Variants in ANK1 observed in about 807,000 individuals in gnomAD.
ANK1 encodes ankyrin-1.
A neutral mutation model predicts 210.4 loss-of-function variants in ANK1; 51 were observed. The ratio of observed to expected loss-of-function variants is 0.24; its 90% confidence interval spans 0.19 to 0.31. ANK1 has a LOEUF of 0.31. Ranked by LOEUF, ANK1 falls within the 10% of genes least tolerant of loss-of-function variation. ANK1 has a pLI of 1.00. For missense variants in ANK1, 2,051 were observed against 2,504.4 expected, an observed-to-expected ratio of 0.82 and a Z score of 3.86; for synonymous variants, 967 against 1,025.9, an observed-to-expected ratio of 0.94 and a Z score of 1.10.
chr8:41,683,811 A>C (rs576834411), intron 37 of ANK1, among the ~76,000 whole-genome samples: 4 of 152,210 alleles, frequency 2.6e-5, no homozygotes, highest in African/African-American at 9.6e-5. Flanking sequence ...CGGGCGAGGA[A>C]GGTGTTGCGA....
rs115898912 is a variant in ANK1 at position 41,826,417 on chromosome 8, C to G, written c.127-68280G>C. ...ATGCTCACTCCTGCTGCCCAGGTCTCAAAGACAGCCTACACCACCCACTCC... is the reference window on the plus strand; with the variant it reads ...ATGCTCACTCCTGCTGCCCAGGTCTGAAAGACAGCCTACACCACCCACTCC... On this transcript the variant is annotated intron_variant, in intron 1 of 42. Coordinates refer to the ANK1 transcript ENST00000265709. 8.6e-3 allele frequency among the ~76,000 whole-genome samples: 1,314 copies of G among 152,168 alleles called. 26 individuals carry two copies. The highest frequency in any genetic ancestry group is 0.029 in the African/African-American group (1,218 of 41,506).
rs751969498 is a variant in ANK1 at position 41,653,331 on chromosome 8, T to G, written c.*2459A>C. On this transcript the variant is annotated 3_prime_UTR_variant, in exon 43 of 43. Transcript: ENST00000289734. ...GGGGATTCTCTCCCATAACAGAGCATGTGGGAGAGTCAAGAAAAGATCCAT... is the reference window on the plus strand; with the variant it reads ...GGGGATTCTCTCCCATAACAGAGCAGGTGGGAGAGTCAAGAAAAGATCCAT... The G allele has an allele frequency of 2.0e-5, 3 of 152,558 alleles. No individual in the cohort carries two copies. Among genetic ancestry groups the G allele is most frequent in the Non-Finnish European group, 4.4e-5 (3 of 68,028 alleles). The allele number at this position is 152,558 out of a possible 1,614,324, so 9.5% of individuals were successfully genotyped here. A position where few individuals can be genotyped will look rare whatever the true frequency, so the allele number is the denominator to read the frequency against.
intron 22 of ANK1, 44 bp downstream of exon 22, chr8:41,701,506 G>T: frequency 6.3e-7 from 1 of 1,593,288 alleles, no homozygotes; most frequent in Non-Finnish European, 8.6e-7. Flanking sequence ...GGTGCCCGGA[G>T]CCCCTCTGTC....
At chr8:41,785,432 G>A (rs1846142488) in intron 1 of ANK1, among the ~76,000 whole-genome samples, 1 of 152,186 alleles carries the variant, frequency 6.6e-6, no homozygotes, top group African/African-American at 2.4e-5. Context: ...TGAGTCTAGG[G>A]CCAGCTTGCC....
rs1162423950 is a variant in ANK1, at chr8:41,655,309, T to TC, written c.*480_*481insG. The TC allele has an allele frequency of 6.0e-6, 1 of 167,340 alleles. No homozygotes were observed. Among genetic ancestry groups the TC allele is most frequent in the Non-Finnish European group, 1.3e-5 (1 of 77,838 alleles). 10.4% of individuals were successfully genotyped at this position (167,340 alleles called of 1,614,324 possible). A position where few individuals can be genotyped will look rare whatever the true frequency, so the allele number is the denominator to read the frequency against. Reference sequence around the variant, plus strand: ...ACTGATTTCATGCCTAGTTTTCTTTTTTTTTTTTTTCTTTCCAGGAAGCCC... The same window carrying TC: ...ACTGATTTCATGCCTAGTTTTCTTTTCTTTTTTTTTTCTTTCCAGGAAGCCC... On this transcript the variant is annotated 3_prime_UTR_variant, in exon 43 of 43. Coordinates refer to ENST00000289734, the MANE Select transcript of ANK1 (RefSeq NM_000037.4).
intron 13 of ANK1, 55 bp from the exon 14 acceptor site, chr8:41,715,904 C>T (rs745990181): frequency 1.4e-5 from 23 of 1,606,786 alleles, no homozygotes; most frequent in Non-Finnish European, 2.0e-5. Context: ...CCAAATCCAA[C>T]TTTTCATCTT....
At chr8:41,857,997 G>A (rs1420813088) in intron 1 of ANK1, among the ~76,000 whole-genome samples, 4 of 152,186 alleles carry the variant, frequency 2.6e-5, no homozygotes, top group Non-Finnish European at 5.9e-5. Context: ...GGAGGCCATA[G>A]CAGGAGGATC....
At chr8:41,812,283 G>A (rs1006931358) in intron 1 of ANK1, among the ~76,000 whole-genome samples, 2 of 152,150 alleles carry the variant, frequency 1.3e-5, no homozygotes, top group African/African-American at 4.8e-5. Context: ...CAGATGAACA[G>A]GGAGAAAACC....
chr8:41,817,918 G>A lies in ANK1; in HGVS notation c.127-59781C>T, dbSNP rs77252782. Among the ~76,000 whole-genome samples, 164 of 152,292 alleles carry A rather than the reference G, an allele frequency of 1.1e-3. 2 individuals are homozygous for A. In the East Asian group the frequency reaches 0.03, roughly 27 times the overall value. ...CAGCCACGGAGAGAAACCCTGAGAC[G>A]ATGCTCCTGAGAAGTGGCAAGAGTT... On this transcript the variant is annotated intron_variant, in intron 1 of 42. Transcript: ENST00000265709.
chr8:41,827,792 C>A (rs1489060615), intron 1 of ANK1, among the ~76,000 whole-genome samples: 1 of 151,028 alleles, frequency 6.6e-6, no homozygotes, highest in Non-Finnish European at 1.5e-5. Context: ...CGCCCACACA[C>A]ATGCACACTC....
At chr8:41,791,541 C>T (rs1847724788) in intron 1 of ANK1, among the ~76,000 whole-genome samples, 1 of 151,836 alleles carries the variant, frequency 6.6e-6, no homozygotes, top group South Asian at 2.1e-4. Flanking sequence ...AAGTGATGCT[C>T]CTGCCTCAGC....
intron 37 of ANK1, among the ~76,000 whole-genome samples, chr8:41,674,323 ACTCT>A (rs1248826023): frequency 2.6e-5 from 4 of 151,598 alleles, no homozygotes; most frequent in Middle Eastern, 3.4e-3. Context: ...ACACTCACAC[ACTCT>A]CTCTCACCCA....
chr8:41,736,335 G>A (rs1833403812), intron 2 of ANK1, among the ~76,000 whole-genome samples: 1 of 152,246 alleles, frequency 6.6e-6, no homozygotes, highest in South Asian at 2.1e-4. Context: ...CTCTTTTCTG[G>A]ATGGGTCTGC....
At chr8:41,683,464 C>A (rs1027916392) in intron 37 of ANK1, among the ~76,000 whole-genome samples, 1 of 152,168 alleles carries the variant, frequency 6.6e-6, no homozygotes, top group Non-Finnish European at 1.5e-5. Flanking sequence ...CGCCCTCAGC[C>A]GCGCCCCCAA....
At chr8:41,781,305 A>G (rs1372095783) in intron 1 of ANK1, among the ~76,000 whole-genome samples, 1 of 152,170 alleles carries the variant, frequency 6.6e-6, no homozygotes, top group Non-Finnish European at 1.5e-5. Context: ...GCTCTGGACC[A>G]CACACAAGCC....
chr8:41,818,522 T>A (rs1273856734), intron 1 of ANK1, among the ~76,000 whole-genome samples: 1 of 152,230 alleles, frequency 6.6e-6, no homozygotes, highest in Non-Finnish European at 1.5e-5. Flanking sequence ...TAAAAATTTT[T>A]TCAAATATAG....
rs1441122434 is a variant in ANK1 at position 41,654,876 on chromosome 8, C to A, written c.*914G>T. 1 of 152,572 alleles carries A rather than the reference C, an allele frequency of 6.6e-6. No homozygotes were observed. Among genetic ancestry groups the A allele is most frequent in the Admixed American group, 6.6e-5 (1 of 15,262 alleles). 9.5% of individuals were successfully genotyped at this position (152,572 alleles called of 1,614,324 possible). The stretch of plus-strand genomic sequence containing the variant: ...CTGTCCCCCAACTGAGAGAGGAGAC[C>A]CTTTCAGATGGGGTCCTGGCTCCCT... On this transcript the variant is annotated 3_prime_UTR_variant, in exon 43 of 43. Coordinates refer to ENST00000289734, the MANE Select transcript of ANK1 (RefSeq NM_000037.4).
chr8:41,678,242 G>A (rs553957146), intron 37 of ANK1, among the ~76,000 whole-genome samples: 4 of 152,048 alleles, frequency 2.6e-5, no homozygotes, highest in East Asian at 1.9e-4. Context: ...GGGTTCAAGC[G>A]ATTCTCCTGC....
chr8:41,712,667 A>G, intron 16 of ANK1, among the ~76,000 whole-genome samples: 1 of 152,242 alleles, frequency 6.6e-6, no homozygotes, highest in East Asian at 1.9e-4. Context: ...CAACATTAGC[A>G]TCAAAATTAG....
Sources: allele counts gnomAD v4.1 joint callset (sites outside exome capture counted in the v4.1 genomes callset), GRCh38; gene constraint gnomAD v4.1.1; transcripts MANE v1.5; gene names NCBI Gene and HGNC (gene_info 2026-07-23, HGNC 2026-07-21).